PLXNA4: variants seen among roughly 807,000 people sequenced by gnomAD.
PLXNA4 encodes the protein plexin-A4.
A neutral mutation model predicts 191.8 loss-of-function variants in PLXNA4; 44 were observed. The ratio of observed to expected loss-of-function variants is 0.23; its 90% CI spans 0.18 to 0.29. The LOEUF is 0.29. Ranked by LOEUF, PLXNA4 falls within the 10% of genes least tolerant of loss-of-function variation. The probability of loss-of-function intolerance (pLI) is 1.00; values close to 1 mark genes in which losing one functional copy is unlikely to be tolerated. For synonymous variants in PLXNA4, 1,082 were observed against 1,009.5 expected, an observed-to-expected ratio of 1.07 and a Z score of -1.36; for missense variants, 1,800 against 2,488.8, an observed-to-expected ratio of 0.72 and a Z score of 5.89.
At chr7:132,585,398 G>A (rs1802489912) in intron 2 of PLXNA4, among the ~76,000 whole-genome samples, 1 of 152,014 alleles carries the variant, frequency 6.6e-6, no homozygotes, top group Non-Finnish European at 1.5e-5. Flanking sequence ...ACAAAGAAAA[G>A]CCAGAGACAG....
At chr7:132,135,611 G>A (rs539897265) in intron 30 of PLXNA4, among the ~76,000 whole-genome samples, 7 of 152,336 alleles carry the variant, frequency 4.6e-5, no homozygotes, top group Admixed American at 3.9e-4. Context: ...CTTGCCTCAT[G>A]GTAGCACACT....
intron 3 of PLXNA4, chr7:132,368,089 G>A (rs1804267003): frequency 6.6e-6 from 1 of 152,264 alleles, no homozygotes; most frequent in African/African-American, 2.4e-5. Context: ...GCACCATGGG[G>A]GCAGTTGGCA....
At chr7:132,551,759 GA>G in intron 1 of PLXNA4, among the ~76,000 whole-genome samples, 1 of 152,300 alleles carries the variant, frequency 6.6e-6, no homozygotes, top group African/African-American at 2.4e-5. Flanking sequence ...TTAAGCCCCG[GA>G]AAAACCTCTG....
At chr7:132,313,153 T>C (rs55648946) in intron 3 of PLXNA4, among the ~76,000 whole-genome samples, 5,354 of 152,276 alleles carry the variant, frequency 0.035, 146 homozygotes, top group African/African-American at 0.078. Flanking sequence ...TCCCCATCAC[T>C]TTTCCTCAAG....
At chr7:132,332,531 C>T (rs1333847188) in intron 3 of PLXNA4, among the ~76,000 whole-genome samples, 1 of 152,004 alleles carries the variant, frequency 6.6e-6, no homozygotes, top group Admixed American at 6.6e-5. Flanking sequence ...TTCCTAAATC[C>T]CTCACTGGGA....
At chr7:132,259,511 C>T (rs550361382) in intron 4 of PLXNA4, among the ~76,000 whole-genome samples, 1 of 145,398 alleles carries the variant, frequency 6.9e-6, no homozygotes, top group African/African-American at 2.5e-5. Flanking sequence ...AAAACCAGCC[C>T]ATGGTATTCC....
chr7:132,529,648 C>G (rs943209969), intron 1 of PLXNA4, among the ~76,000 whole-genome samples: 30 of 151,006 alleles, frequency 2.0e-4, no homozygotes, highest in South Asian at 4.2e-4. Context: ...CTCCGTCGCC[C>G]AGGCTGGAGT....
chr7:132,640,791 G>T (rs1803728032), intron 2 of PLXNA4, among the ~76,000 whole-genome samples: 1 of 151,886 alleles, frequency 6.6e-6, no homozygotes, highest in South Asian at 2.1e-4. Context: ...AAAAAAAGGG[G>T]GGGGCCCTGC....
In PLXNA4 at chr7:132,127,043, G is replaced by A. The variant is rs1261548560; in HGVS notation, c.*3436C>T. 1.3e-5 allele frequency: 2 copies of A among 152,136 alleles called. No homozygotes were observed. The highest frequency in any genetic ancestry group is 2.9e-5 in the Non-Finnish European group (2 of 68,066). The allele number at this position is 152,136 out of a possible 1,614,324, so 9.4% of individuals were successfully genotyped here. A position where few individuals can be genotyped will look rare whatever the true frequency, so the allele number is the denominator to read the frequency against. ...GGGGGGACTTGTGGCCAGGAGAAAT[G>A]ACCAGCCTACCACTCTGTTTCTTGT... On this transcript the variant is annotated 3_prime_UTR_variant, in exon 32 of 32. Coordinates refer to ENST00000321063, the MANE Select transcript of PLXNA4 (RefSeq NM_020911.2).
At chr7:132,190,475 C>A (rs751901506) in intron 14 of PLXNA4, among the ~76,000 whole-genome samples, 11 of 152,206 alleles carry the variant, frequency 7.2e-5, no homozygotes, top group Non-Finnish European at 1.6e-4. Context: ...CTCAGAATTA[C>A]CCAGGATCTG....
At position 132,597,258 on chromosome 7, in the gene PLXNA4, C is replaced by T. The variant is rs190095342; in HGVS notation, c.-87+48670G>A. ...TGAATTACATTATTTCTGTTCATGC[C>T]GGTCTCCCCCAATAGTTTGTTGTCT... On this transcript the variant is annotated intron_variant, in intron 2 of 4. Coordinates refer to the PLXNA4 transcript ENST00000378539. 2.9e-4 allele frequency among the ~76,000 whole-genome samples: 44 copies of T among 152,128 alleles called. No homozygotes were observed. The East Asian group carries it at 5.6e-3, about 19-fold the overall frequency.
chr7:132,147,840 G>A (rs1237655528), intron 27 of PLXNA4, 60 bp downstream of exon 27: 6 of 1,610,458 alleles, frequency 3.7e-6, no homozygotes, highest in African/African-American at 2.7e-5. Context: ...CTATGCTGCT[G>A]TCATGACAAC....
chr7:132,269,907 A>T (rs1178425434), intron 4 of PLXNA4, among the ~76,000 whole-genome samples: 1 of 152,112 alleles, frequency 6.6e-6, no homozygotes, highest in Non-Finnish European at 1.5e-5. Context: ...TCCCTAGTAC[A>T]TTATGGGAAG....
intron 3 of PLXNA4, among the ~76,000 whole-genome samples, chr7:132,435,255 T>TA (rs1237059686): frequency 6.6e-6 from 1 of 151,764 alleles, no homozygotes; most frequent in Non-Finnish European, 1.5e-5. Context: ...CACGTACCCA[T>TA]AGCCCCAGGG....
chr7:132,331,070 C>T (rs1294316220), intron 3 of PLXNA4, among the ~76,000 whole-genome samples: 4 of 152,122 alleles, frequency 2.6e-5, no homozygotes, highest in Admixed American at 2.6e-4. Context: ...AGGGGCCGCT[C>T]AACCCTGGCA....
At chr7:132,544,646 G>A (rs888063803) in intron 1 of PLXNA4, among the ~76,000 whole-genome samples, 20 of 152,144 alleles carry the variant, frequency 1.3e-4, no homozygotes, top group Admixed American at 1.3e-3. Context: ...GTGCCCATTA[G>A]GGTTAACTTC....
intron 3 of PLXNA4, among the ~76,000 whole-genome samples, chr7:132,458,745 T>C (rs1404519088): frequency 6.6e-6 from 1 of 151,956 alleles, no homozygotes; most frequent in African/African-American, 2.4e-5. Context: ...GTTTAGCACG[T>C]GAAAACTCAC....
At chr7:132,467,068 A>G (rs1217633099) in intron 3 of PLXNA4, among the ~76,000 whole-genome samples, 1 of 152,198 alleles carries the variant, frequency 6.6e-6, no homozygotes, top group East Asian at 1.9e-4. Flanking sequence ...CCACACATGG[A>G]AAAGCCTCAG....
Position 132,130,373 on chromosome 7 carries a change from G to A in PLXNA4, c.*106C>T. The A allele has an allele frequency of 6.7e-7, 1 of 1,489,838 alleles. No individual in the cohort carries two copies. Among genetic ancestry groups the A allele is most frequent in the Non-Finnish European group, 9.3e-7 (1 of 1,074,560 alleles). The allele number at this position is 1,489,838 out of a possible 1,614,324, so 92.3% of individuals were successfully genotyped here. A position where few individuals can be genotyped will look rare whatever the true frequency, so the allele number is the denominator to read the frequency against. On this transcript the variant is annotated 3_prime_UTR_variant, in exon 32 of 32. Coordinates refer to ENST00000321063, the MANE Select transcript of PLXNA4 (RefSeq NM_020911.2). ...AGAGAGAGAAACAGCGCTGCTCAGG[G>A]GATGCTGCTGATGCCAGTCGGAACT...
Sources: allele counts gnomAD v4.1 joint callset (sites outside exome capture counted in the v4.1 genomes callset), GRCh38; gene constraint gnomAD v4.1.1; transcripts MANE v1.5; gene names NCBI Gene and HGNC (gene_info 2026-07-23, HGNC 2026-07-21).